Variants in PRP4K observed in about 807,000 individuals in gnomAD.
The protein encoded by PRP4K is pre-mRNA processing factor kinase PRP4K, also known as serine/threonine-protein kinase PRP4 homolog.
chr6:4,061,383 AACTTT>A, the PRP4K span: 1 of 152,614 alleles, frequency 6.6e-6, no homozygotes, highest in Non-Finnish European at 1.5e-5. Context: ...GTTTCTTATT[AACTTT>A]ACTTTTTTTA....
the PRP4K span, among the ~76,000 whole-genome samples, chr6:4,047,877 G>T: frequency 7.0e-6 from 1 of 143,818 alleles, no homozygotes; most frequent in Admixed American, 7.1e-5. Flanking sequence ...TAAAAATGTG[G>T]TAAGATAAAT....
chr6:4,026,484 G>A, the PRP4K span, among the ~76,000 whole-genome samples: 2 of 150,936 alleles, frequency 1.3e-5, no homozygotes, highest in Non-Finnish European at 2.9e-5. Flanking sequence ...TTGTATTTTT[G>A]TAGAGACAGG....
chr6:4,043,837 A>G, the PRP4K span: 1 of 1,614,158 alleles, frequency 6.2e-7, no homozygotes, highest in Non-Finnish European at 8.5e-7. Context: ...TGCTGAAGAT[A>G]GCAACATGTC....
the PRP4K span, chr6:4,031,793 G>A: frequency 6.2e-7 from 1 of 1,613,348 alleles, no homozygotes; most frequent in Non-Finnish European, 8.5e-7. Flanking sequence ...AAGAGGGTAT[G>A]TCTCCAGCAA....
chr6:4,059,568 A>G, the PRP4K span, among the ~76,000 whole-genome samples: 2 of 152,282 alleles, frequency 1.3e-5, no homozygotes, highest in African/African-American at 4.8e-5. Context: ...TACCACTTCA[A>G]GGTAGGGAAA....
the PRP4K span, chr6:4,021,502 C>T: frequency 4.5e-6 from 7 of 1,565,886 alleles, no homozygotes; most frequent in African/African-American, 8.1e-5. Flanking sequence ...GAAGCTGGAG[C>T]CCGGGGACTG....
At chr6:4,030,154 G>A in the PRP4K span, among the ~76,000 whole-genome samples, 1 of 152,084 alleles carries the variant, frequency 6.6e-6, no homozygotes, top group African/African-American at 2.4e-5. Flanking sequence ...TGTTAGTCAG[G>A]CTGGTCTTGA....
the PRP4K span, among the ~76,000 whole-genome samples, chr6:4,024,024 G>A: frequency 3.3e-5 from 5 of 151,892 alleles, no homozygotes; most frequent in South Asian, 2.1e-4. Context: ...GTACCACCAC[G>A]CCCAGCTAAT....
chr6:4,035,565 G>C, the PRP4K span, among the ~76,000 whole-genome samples: 1 of 152,174 alleles, frequency 6.6e-6, no homozygotes, highest in Non-Finnish European at 1.5e-5. Flanking sequence ...AAGCACTACA[G>C]ATCTGAATCA....
At chr6:4,064,859 T>G in the PRP4K span, 1 of 152,670 alleles carries the variant, frequency 6.6e-6, no homozygotes, top group African/African-American at 2.4e-5. Flanking sequence ...GAAGCTGATT[T>G]CTGAAAATGC....
the PRP4K span, chr6:4,052,174 AC>A: frequency 7.0e-7 from 1 of 1,424,128 alleles, no homozygotes; most frequent in Non-Finnish European, 9.4e-7. Flanking sequence ...AAATGCTGTA[AC>A]AGATTTTCTG....
chr6:4,051,275 G>A, the PRP4K span, among the ~76,000 whole-genome samples: 2 of 152,006 alleles, frequency 1.3e-5, no homozygotes, highest in African/African-American at 4.8e-5. Flanking sequence ...TAAAAATAAT[G>A]TCAAGATGTG....
At chr6:4,056,045 A>C in the PRP4K span, among the ~76,000 whole-genome samples, 1 of 152,102 alleles carries the variant, frequency 6.6e-6, no homozygotes, top group South Asian at 2.1e-4. Context: ...TCAGTACCCC[A>C]CCCTTTTAAA....
At chr6:4,054,653 G>T in the PRP4K span, among the ~76,000 whole-genome samples, 3 of 152,090 alleles carry the variant, frequency 2.0e-5, no homozygotes, top group Non-Finnish European at 2.9e-5. Flanking sequence ...ATTACAGGCA[G>T]GGGCCACCAC....
At chr6:4,027,608 T>TGG in the PRP4K span, among the ~76,000 whole-genome samples, 21 of 30,934 alleles carry the variant, frequency 6.8e-4, no homozygotes, top group African/African-American at 1.3e-3. Flanking sequence ...GGTGGGGGGG[T>TGG]GGGGTGGGGG....
At chr6:4,048,618 C>T in the PRP4K span, among the ~76,000 whole-genome samples, 99,601 of 151,766 alleles carry the variant, frequency 0.66, 32,930 homozygotes, top group East Asian at 0.78. Context: ...GTGCAGAGTG[C>T]AGTAATTAGT....
At chr6:4,038,028 G>A in the PRP4K span, among the ~76,000 whole-genome samples, 3 of 151,906 alleles carry the variant, frequency 2.0e-5, no homozygotes, top group Admixed American at 1.3e-4. Context: ...GTCAGTAATA[G>A]GTTAAAAAGG....
chr6:4,039,097 T>C, the PRP4K span, among the ~76,000 whole-genome samples: 1 of 152,202 alleles, frequency 6.6e-6, no homozygotes, highest in Non-Finnish European at 1.5e-5. Flanking sequence ...ATTGTGTTTC[T>C]TCCCAGATTC....
chr6:4,053,766 G>A, the PRP4K span, among the ~76,000 whole-genome samples: 2 of 152,028 alleles, frequency 1.3e-5, no homozygotes, highest in Non-Finnish European at 2.9e-5. Context: ...TTTTAAAATG[G>A]GTTCTCTTTA....
Sources: gnomAD v4.1 joint callset for allele counts (sites outside exome capture counted in the v4.1 genomes callset) on GRCh38, gnomAD v4.1.1 for gene constraint, MANE v1.5 for transcripts, NCBI Gene and HGNC (gene_info 2026-07-23, HGNC 2026-07-21) for gene names.